The following CPN1 variants were observed in gnomAD, a reference collection of about 807,000 sequenced individuals.
The protein encoded by CPN1 is carboxypeptidase N catalytic chain.
Under a neutral mutation model 46.4 loss-of-function variants are expected in CPN1, and 37 were observed. The ratio of observed to expected loss-of-function variants is 0.80; its 90% CI spans 0.61 to 1.05. CPN1 has a LOEUF of 1.05. Ranked by LOEUF, CPN1 falls within the 50% of genes least tolerant of loss-of-function variation. The pLI is 0.00. For missense variants in CPN1, 563 were observed against 602.6 expected (o/e 0.93, Z 0.69); for synonymous variants, 224 against 235.4 (o/e 0.95, Z 0.44).
Position 100,042,597 on chromosome 10 carries a change from A to G in CPN1, c.1231-24T>C. 1.9e-6 allele frequency: 3 copies of G among 1,613,772 alleles called. No homozygotes were observed. The South Asian group carries it at 3.3e-5, about 18-fold the overall frequency. On this transcript the variant is annotated intron_variant, in intron 8 of 8. Coordinates refer to ENST00000370418, the MANE Select transcript of CPN1 (RefSeq NM_001308.3). Reference sequence around the variant, plus strand: ...ACCTGGAAGAAAAAAAGCAGGAGCTACGAGATCCGTTTGGACCATCTTTTG... The same window carrying G: ...ACCTGGAAGAAAAAAAGCAGGAGCTGCGAGATCCGTTTGGACCATCTTTTG...
At chr10:100,047,629 C>T (rs1357868128) in intron 8 of CPN1, among the ~76,000 whole-genome samples, 2 of 152,124 alleles carry the variant, frequency 1.3e-5, no homozygotes, top group Non-Finnish European at 2.9e-5. Context: ...ATCTTTGGGC[C>T]TTCATTCTGA....
intron 3 of CPN1, among the ~76,000 whole-genome samples, chr10:100,067,950 G>A (rs919913862): frequency 1.6e-4 from 25 of 151,928 alleles, no homozygotes; most frequent in African/African-American, 6.0e-4. Flanking sequence ...CCAGGAGTTC[G>A]AGACCAGCCT....
intron 8 of CPN1, among the ~76,000 whole-genome samples, chr10:100,048,037 A>G (rs1250950335): frequency 6.6e-6 from 1 of 152,018 alleles, no homozygotes; most frequent in East Asian, 1.9e-4. Flanking sequence ...ATAAAAATAA[A>G]TTGGTATGGC....
In CPN1 at chr10:100,077,075, G is replaced by A. The variant is rs190310186; in HGVS notation, c.224-968C>T. 1.1e-4 allele frequency among the ~76,000 whole-genome samples: 17 copies of A among 152,084 alleles called. No homozygotes were observed. The East Asian group carries it at 1.5e-3, about 14-fold the overall frequency. ...TTTCTTACACCCAATACTTTCCTGC[G>A]TCCATGACTTTTCTGGTTCTGTACC... On this transcript the variant is annotated intron_variant, in intron 1 of 8. Transcript: ENST00000370418.
intron 4 of CPN1, 51 bp downstream of exon 4, chr10:100,065,137 A>G (rs1234230129): frequency 6.3e-7 from 1 of 1,591,532 alleles, no homozygotes; most frequent in South Asian, 1.1e-5. Flanking sequence ...CCTTAAGCTC[A>G]CCTCCTGAGC....
Position 100,054,431 on chromosome 10 carries a change from T to C in CPN1, c.1027A>G (p.Lys343Glu). The change falls in exon 7 of 9, where the codon AAG becomes GAG. Residue 343 changes from lysine to glutamate, a missense_variant. Lys to Glu is a moderately conservative substitution (Grantham distance 56). Transcript: ENST00000370418. ...QFLEQVHQGI[K>E]GMVLDENYNN... ...TAATTCTCATCAAGCACCATTCCCT[T>C]GATGCCCTGGTGAACCTGCAGGAAC... is the stretch of plus-strand genomic sequence containing the variant. 6.2e-7 allele frequency: 1 copy of C among 1,613,920 alleles called. No individual in the cohort carries two copies. The highest frequency in any genetic ancestry group is 8.5e-7 in the Non-Finnish European group (1 of 1,179,824).
intron 8 of CPN1, among the ~76,000 whole-genome samples, chr10:100,044,959 C>G (rs1336527092): frequency 1.3e-5 from 2 of 152,248 alleles, no homozygotes; most frequent in African/African-American, 4.8e-5. Context: ...GATCCGCCTG[C>G]CTCAGCCTCC....
At chr10:100,045,851 G>A (rs966516546) in intron 8 of CPN1, among the ~76,000 whole-genome samples, 1 of 152,156 alleles carries the variant, frequency 6.6e-6, no homozygotes, top group African/African-American at 2.4e-5. Context: ...GTGTTAATAG[G>A]GAAAGGTGGT....
Position 100,081,484 on chromosome 10 carries a change from C to T in CPN1, c.142G>A (p.Val48Ile). 1 of 1,614,146 alleles carries T rather than the reference C, an allele frequency of 6.2e-7. No homozygotes were observed. The highest frequency in any genetic ancestry group is 8.5e-7 in the Non-Finnish European group (1 of 1,180,026). The change falls in exon 1 of 9, where the codon GTC becomes ATC. Residue 48 changes from valine to isoleucine, a missense_variant. Physicochemically the swap from Val to Ile is conservative, Grantham distance 29. Coordinates refer to ENST00000370418, the MANE Select transcript of CPN1 (RefSeq NM_001308.3). ...VQNECPGITR[V>I]YSIGRSVEGR... is the part of the protein sequence containing the mutation. The stretch of plus-strand genomic sequence containing the variant: ...TCCACGCTGCGCCCAATGCTGTAGA[C>T]CCGCGTGATGCCGGGGCATTCGTTT...
intron 1 of CPN1, among the ~76,000 whole-genome samples, chr10:100,080,791 G>T (rs2041540598): frequency 6.6e-6 from 1 of 152,174 alleles, no homozygotes; most frequent in Non-Finnish European, 1.5e-5. Flanking sequence ...TACCTAGGAG[G>T]CTGAGGGGAA....
At chr10:100,053,278 T>C (rs181930515) in intron 7 of CPN1, among the ~76,000 whole-genome samples, 8 of 152,282 alleles carry the variant, frequency 5.3e-5, no homozygotes, top group Admixed American at 2.0e-4. Context: ...ATTGTAGGAA[T>C]TGTGAAATGG....
chr10:100,051,266 C>T (rs2041351140), intron 7 of CPN1, among the ~76,000 whole-genome samples: 1 of 152,090 alleles, frequency 6.6e-6, no homozygotes, highest in Admixed American at 6.6e-5. Context: ...TTTCTGCCCC[C>T]TATTAAATGT....
chr10:100,045,685 C>T (rs11599750), intron 8 of CPN1, among the ~76,000 whole-genome samples: 59,942 of 152,044 alleles, frequency 0.39, 12,292 homozygotes, highest in Middle Eastern at 0.49. Flanking sequence ...ACACAAGTTT[C>T]TTTTATCTTC....
chr10:100,054,544 T>C (rs1385116595), intron 6 of CPN1, 98 bp from the exon 7 acceptor site: 2 of 971,268 alleles, frequency 2.1e-6, no homozygotes, highest in Admixed American at 1.8e-5. Context: ...TTTTGTATTT[T>C]ATCTTCACAA....
Position 100,064,944 on chromosome 10 carries a change from G to A in CPN1, c.759+244C>T, listed in dbSNP as rs923264656. Among the ~76,000 whole-genome samples the A allele has an allele frequency of 4.6e-5, 7 of 152,040 alleles. No individual in the cohort carries two copies. The South Asian group carries it at 1.2e-3, about 27-fold the overall frequency. On this transcript the variant is annotated intron_variant, in intron 4 of 8. Transcript: ENST00000370418. ...CGGGCATATTTCTTGCTCATCATTAGCCTAAGTATTTTCTGCATCGTGGTA... is the reference window on the plus strand; with the variant it reads ...CGGGCATATTTCTTGCTCATCATTAACCTAAGTATTTTCTGCATCGTGGTA...
At chr10:100,050,978 T>G (rs1258994978) in intron 7 of CPN1, among the ~76,000 whole-genome samples, 1 of 152,120 alleles carries the variant, frequency 6.6e-6, no homozygotes, top group African/African-American at 2.4e-5. Flanking sequence ...TTGCAGTGGC[T>G]CATACCACTG....
chr10:100,062,401 G>T (rs751370503), intron 5 of CPN1, among the ~76,000 whole-genome samples: 5 of 152,108 alleles, frequency 3.3e-5, no homozygotes, highest in Non-Finnish European at 7.4e-5. Context: ...CTGGCAGTTA[G>T]GGTCCAGGGA....
rs55879334 is a variant in CPN1 at position 100,050,359 on chromosome 10, GAACAAACA to G, written c.1112-1491_1112-1484del. Among the ~76,000 whole-genome samples the G allele has an allele frequency of 4.7e-3, 715 of 150,896 alleles. 11 individuals are homozygous for G. Among genetic ancestry groups the G allele is most frequent in the African/African-American group, 0.016 (658 of 41,006 alleles). On this transcript the variant is annotated intron_variant, in intron 7 of 8. Transcript: ENST00000370418. The stretch of plus-strand genomic sequence containing the variant: ...ACAGAGCAAGATTCTGTCTCAAATA[GAACAAACA>G]AACAAACAAACAAACAAATCTGTTG...
intron 3 of CPN1, among the ~76,000 whole-genome samples, chr10:100,066,197 C>T (rs956274675): frequency 6.6e-6 from 1 of 152,066 alleles, no homozygotes; most frequent in South Asian, 2.1e-4. Context: ...GCAATGTGCC[C>T]ATCTCCACCT....
Sources: allele counts gnomAD v4.1 joint callset (sites outside exome capture counted in the v4.1 genomes callset), GRCh38; gene constraint gnomAD v4.1.1; transcripts MANE v1.5; gene names NCBI Gene and HGNC (gene_info 2026-07-23, HGNC 2026-07-21).